DOK5: variants seen among roughly 807,000 people sequenced by gnomAD.
The protein encoded by DOK5 is docking protein 5, also known as downstream of tyrosine kinase 5.
Under a neutral mutation model 43.3 loss-of-function variants are expected in DOK5, and 27 were observed. That is an observed-to-expected ratio of 0.62 (90% confidence interval 0.46 to 0.86). The LOEUF is 0.86. DOK5 is among the 40% of genes least tolerant of loss of function. The pLI is 0.00. For synonymous variants in DOK5, 146 were observed against 140.1 expected (o/e 1.04, Z -0.30); for missense variants, 373 against 392.9 (o/e 0.95, Z 0.43).
chr20:54,514,419 A>G (rs1983124058), intron 1 of DOK5, among the ~76,000 whole-genome samples: 1 of 152,110 alleles, frequency 6.6e-6, no homozygotes, highest in Non-Finnish European at 1.5e-5. Flanking sequence ...AAATGGCAGG[A>G]GATCTCTTTT....
intron 1 of DOK5, among the ~76,000 whole-genome samples, chr20:54,507,997 A>G (rs772028833): frequency 6.6e-6 from 1 of 152,168 alleles, no homozygotes; most frequent in African/African-American, 2.4e-5. Context: ...TAGAATGTTA[A>G]CAGCAAGCAT....
intron 2 of DOK5, among the ~76,000 whole-genome samples, chr20:54,559,237 A>G (rs1984819568): frequency 1.3e-5 from 2 of 152,226 alleles, no homozygotes; most frequent in African/African-American, 4.8e-5. Context: ...AATAGAGTGG[A>G]AGGAAGACCA....
In DOK5 at chr20:54,475,628, G is replaced by T. The variant is rs554822135; in HGVS notation, c.-319G>T. On this transcript the variant is annotated 5_prime_UTR_variant, in exon 1 of 8. Transcript: ENST00000262593. The surrounding 1 kb of genome is among the most constrained non-coding windows in gnomAD (Gnocchi z 4.2). ...TCCTTCTCGGCCGGGAGGAGGCAGG[G>T]CTGGATCCCTCAGCCGCCGCCGCTC... 8.1e-5 allele frequency: 38 copies of T among 467,272 alleles called. No individual in the cohort carries two copies. Among genetic ancestry groups the T allele is most frequent in the South Asian group, 7.8e-4 (33 of 42,068 alleles). 28.9% of individuals were successfully genotyped at this position (467,272 alleles called of 1,614,324 possible). A position where few individuals can be genotyped will look rare whatever the true frequency, so the allele number is the denominator to read the frequency against.
At chr20:54,519,289 A>G (rs1983310932) in intron 1 of DOK5, among the ~76,000 whole-genome samples, 1 of 152,230 alleles carries the variant, frequency 6.6e-6, no homozygotes, top group South Asian at 2.1e-4. Context: ...AATAAAGATT[A>G]AAAGGGACAT....
chr20:54,560,175 G>C (rs1984852080), intron 2 of DOK5, among the ~76,000 whole-genome samples: 1 of 152,104 alleles, frequency 6.6e-6, no homozygotes, highest in Admixed American at 6.5e-5. Flanking sequence ...TTTTTACACA[G>C]TTTCTTCCTC....
intron 1 of DOK5, among the ~76,000 whole-genome samples, chr20:54,524,459 C>T (rs542842179): frequency 4.6e-5 from 7 of 152,288 alleles, no homozygotes; most frequent in African/African-American, 1.7e-4. Context: ...AGGCTCCTCT[C>T]GAATTATCTG....
At chr20:54,487,612 T>C (rs1287492501) in intron 1 of DOK5, among the ~76,000 whole-genome samples, 1 of 152,274 alleles carries the variant, frequency 6.6e-6, no homozygotes, top group Non-Finnish European at 1.5e-5. Context: ...ACTTATTTTT[T>C]AAAATAGGTT....
intron 6 of DOK5, among the ~76,000 whole-genome samples, chr20:54,621,699 A>AAT (rs1012255067): frequency 6.6e-6 from 1 of 152,068 alleles, no homozygotes; most frequent in African/African-American, 2.4e-5. Context: ...AAAAAAAAAA[A>AAT]AATCACGATT....
intron 1 of DOK5, among the ~76,000 whole-genome samples, chr20:54,515,946 G>A (rs1983183891): frequency 6.6e-6 from 1 of 152,242 alleles, no homozygotes; most frequent in African/African-American, 2.4e-5. Flanking sequence ...GGCATTAGCT[G>A]ACAGCAGTCC....
chr20:54,646,219 T>C (rs1979412055), intron 7 of DOK5, among the ~76,000 whole-genome samples: 1 of 149,922 alleles, frequency 6.7e-6, no homozygotes, highest in Non-Finnish European at 1.5e-5. Flanking sequence ...TTTTACTACC[T>C]TAATACTGTT....
chr20:54,596,288 C>T (rs1986138524), intron 5 of DOK5, among the ~76,000 whole-genome samples: 2 of 152,178 alleles, frequency 1.3e-5, no homozygotes, highest in Admixed American at 1.3e-4. Flanking sequence ...TATAATTTTC[C>T]CCTTCTCTCA....
At chr20:54,496,765 C>CA (rs74179280) in intron 1 of DOK5, among the ~76,000 whole-genome samples, 3,031 of 58,526 alleles carry the variant, frequency 0.052, 121 homozygotes, top group East Asian at 0.097. Flanking sequence ...GACTCCGTCT[C>CA]AAAAAAAAAA....
chr20:54,579,652 C>T (rs917299709), intron 2 of DOK5, among the ~76,000 whole-genome samples: 1 of 152,094 alleles, frequency 6.6e-6, no homozygotes, highest in Admixed American at 6.5e-5. Flanking sequence ...GGTAACCATG[C>T]AGTATTTGTC....
At chr20:54,476,308 A>T (rs1981422938) in intron 1 of DOK5, 1 of 828,198 alleles carries the variant, frequency 1.2e-6, no homozygotes, top group East Asian at 1.2e-4. Context: ...TAGCCATGGA[A>T]GTTGGAGCTG....
chr20:54,599,141 T>C (rs939980477), intron 5 of DOK5, among the ~76,000 whole-genome samples: 3 of 152,240 alleles, frequency 2.0e-5, no homozygotes, highest in African/African-American at 7.2e-5. Context: ...CATACACTTA[T>C]CCTTATTGAA....
intron 1 of DOK5, among the ~76,000 whole-genome samples, chr20:54,490,837 C>G (rs1323026269): frequency 6.6e-6 from 1 of 151,560 alleles, no homozygotes; most frequent in Non-Finnish European, 1.5e-5. Context: ...ATCCGCCCAC[C>G]ACGGCCTCCC....
At chr20:54,501,112 T>C (rs1354037221) in intron 1 of DOK5, among the ~76,000 whole-genome samples, 1 of 152,128 alleles carries the variant, frequency 6.6e-6, no homozygotes, top group Non-Finnish European at 1.5e-5. Context: ...TCTTAATACA[T>C]ATTACAAATT....
intron 7 of DOK5, among the ~76,000 whole-genome samples, chr20:54,648,612 A>C (rs370285275): frequency 1.3e-5 from 2 of 152,298 alleles, no homozygotes; most frequent in East Asian, 3.9e-4. Context: ...GCATTCAAAG[A>C]TCAGGAAGGA....
At chr20:54,618,026 T>G (rs1986867076) in intron 6 of DOK5, among the ~76,000 whole-genome samples, 1 of 152,196 alleles carries the variant, frequency 6.6e-6, no homozygotes, top group African/African-American at 2.4e-5. Context: ...ACCTACTATG[T>G]TCTGTTTTGT....
Sources: allele counts gnomAD v4.1 joint callset (sites outside exome capture counted in the v4.1 genomes callset), GRCh38; gene constraint gnomAD v4.1.1; non-coding constraint Gnocchi (gnomAD v3.1); transcripts MANE v1.5; gene names NCBI Gene and HGNC (gene_info 2026-07-23, HGNC 2026-07-21).